The following PARN variants were observed in gnomAD, a reference collection of about 807,000 sequenced individuals.
PARN encodes the protein poly(A)-specific ribonuclease PARN.
PARN carries 71 observed loss-of-function variants against 102.8 expected under a neutral mutation model. The ratio of observed to expected loss-of-function variants is 0.69; its 90% CI spans 0.57 to 0.84. PARN has a LOEUF of 0.84. Ranked by LOEUF, PARN falls within the 40% of genes least tolerant of loss-of-function variation. The probability of loss-of-function intolerance (pLI) is 0.00; values close to 1 mark genes in which losing one functional copy is unlikely to be tolerated. For synonymous variants in PARN, 261 were observed against 252.9 expected, an observed-to-expected ratio of 1.03 and a Z score of -0.30; for missense variants, 782 against 760.9, an observed-to-expected ratio of 1.03 and a Z score of -0.33.
chr16:14,565,903 T>A (rs888293843), intron 18 of PARN, among the ~76,000 whole-genome samples: 1 of 152,216 alleles, frequency 6.6e-6, no homozygotes, highest in Non-Finnish European at 1.5e-5. Flanking sequence ...ATACTGTGCA[T>A]AGTGGAAGGT....
chr16:14,611,725 G>A (rs1034881198), intron 6 of PARN, among the ~76,000 whole-genome samples: 1 of 152,172 alleles, frequency 6.6e-6, no homozygotes, highest in African/African-American at 2.4e-5. Flanking sequence ...ATTTTCGGTA[G>A]AGACAGGGTT....
intron 23 of PARN, among the ~76,000 whole-genome samples, chr16:14,439,548 A>G (rs760297465): frequency 9.2e-5 from 14 of 152,220 alleles, no homozygotes; most frequent in Non-Finnish European, 1.9e-4. Flanking sequence ...TTTTAATTGT[A>G]AAACCTAAAA....
At position 14,586,232 on chromosome 16, in the gene PARN, C is replaced by G. The variant is rs1425014307; in HGVS notation, c.962+86G>C. The G allele has an allele frequency of 3.9e-6, 3 of 764,012 alleles. No homozygotes were observed. In the African/African-American group the frequency reaches 5.2e-5, roughly 13 times the overall value. 47.3% of individuals were successfully genotyped at this position (764,012 alleles called of 1,614,324 possible). A position where few individuals can be genotyped will look rare whatever the true frequency, so the allele number is the denominator to read the frequency against. ...GCTCAAGTGATCCTCCCACCTCAGT[C>G]TCCCAAAGTGGTGGGATTATAGGTG... On this transcript the variant is annotated intron_variant, in intron 14 of 23. Transcript: ENST00000437198.
chr16:14,600,062 G>C, intron 11 of PARN, 102 bp from the exon 12 acceptor site: 1 of 620,760 alleles, frequency 1.6e-6, no homozygotes, highest in East Asian at 3.0e-5. Context: ...TTTGTATCAA[G>C]TTAGATAGCT....
intron 23 of PARN, among the ~76,000 whole-genome samples, chr16:14,443,753 G>A (rs1438765763): frequency 6.6e-6 from 1 of 152,200 alleles, no homozygotes; most frequent in Non-Finnish European, 1.5e-5. Context: ...CCTCCTTGGA[G>A]AACAGAAAAT....
chr16:14,617,552 G>A, intron 6 of PARN, 38 bp downstream of exon 6: 1 of 991,104 alleles, frequency 1.0e-6, no homozygotes, highest in Non-Finnish European at 1.6e-6. Flanking sequence ...TATTTTGAAG[G>A]TTTATAAGCT....
At chr16:14,471,005 T>C (rs1962707348) in intron 22 of PARN, among the ~76,000 whole-genome samples, 1 of 152,074 alleles carries the variant, frequency 6.6e-6, no homozygotes, top group Non-Finnish European at 1.5e-5. Flanking sequence ...GGCTGGTCTT[T>C]AAGCTGTCCT....
At position 14,604,181 on chromosome 16, in the gene PARN, T is replaced by C. The variant is rs772655570; in HGVS notation, c.748A>G (p.Lys250Glu). 6.2e-7 allele frequency: 1 copy of C among 1,602,466 alleles called. No individual in the cohort carries two copies. Among genetic ancestry groups the C allele is most frequent in the Non-Finnish European group, 8.5e-7 (1 of 1,172,986 alleles). The change falls in exon 11 of 24, where the codon AAA (lysine) becomes GAA (glutamate). Residue 250 changes from lysine (K) to glutamate (E), a missense_variant. Transcript: ENST00000437198. ...VISKVDEEERKRREQQKHAKE... is the reference protein window; with the variant it reads ...VISKVDEEERERREQQKHAKE... ...GCATGTTTCTGCTGCTCTCTTCTTT[T>C]GCGTTCTTCTTCATCTACTTTGCTG... is the stretch of plus-strand genomic sequence containing the variant.
intron 21 of PARN, among the ~76,000 whole-genome samples, chr16:14,540,234 C>T (rs1404462662): frequency 6.6e-6 from 1 of 152,130 alleles, no homozygotes; most frequent in Non-Finnish European, 1.5e-5. Context: ...TATCTATTGC[C>T]ACATTTAGAA....
chr16:14,577,126 C>T (rs1044390530), intron 18 of PARN, among the ~76,000 whole-genome samples: 3 of 151,916 alleles, frequency 2.0e-5, no homozygotes, highest in African/African-American at 7.3e-5. Context: ...TAATGTCCAC[C>T]CAAATTTATG....
intron 21 of PARN, among the ~76,000 whole-genome samples, chr16:14,543,185 T>C (rs188327193): frequency 7.9e-5 from 12 of 152,166 alleles, no homozygotes; most frequent in African/African-American, 2.2e-4. Flanking sequence ...TTTAAAACAC[T>C]GAAAGAAAAA....
At chr16:14,625,288 G>C (rs534997433) in intron 5 of PARN, among the ~76,000 whole-genome samples, 21 of 151,948 alleles carry the variant, frequency 1.4e-4, no homozygotes, top group Non-Finnish European at 2.9e-5. Flanking sequence ...ACCTGGGGTC[G>C]AGAGTTCGAG....
intron 21 of PARN, among the ~76,000 whole-genome samples, chr16:14,484,366 T>G (rs1169564582): frequency 6.6e-6 from 1 of 152,196 alleles, no homozygotes; most frequent in East Asian, 1.9e-4. Context: ...TTTAGGCATA[T>G]GCGTTCCTAG....
Position 14,616,563 on chromosome 16 carries a change from G to T in PARN, c.388+1027C>A, listed in dbSNP as rs532702594. On this transcript the variant is annotated intron_variant, in intron 6 of 23. Transcript: ENST00000437198. ...GAGTTTGGGACCAGCCTGGGCAATG[G>T]CGAAATCCCATTTCTACAAAAAATT... 2.6e-5 allele frequency among the ~76,000 whole-genome samples: 4 copies of T among 152,326 alleles called. No individual in the cohort carries two copies. The East Asian group carries it at 7.7e-4, about 29-fold the overall frequency.
chr16:14,581,074 CAG>C (rs1195959904), intron 17 of PARN, 131 bp from the exon 18 acceptor site: 6 of 546,416 alleles, frequency 1.1e-5, no homozygotes, highest in South Asian at 5.8e-5. Context: ...TTTTTTGAGT[CAG>C]AGTTTCACTC....
chr16:14,447,938 TTATCTATCTATCTATCTATC>T lies in PARN; in HGVS notation c.1671-877_1671-858del, dbSNP rs10539138. Among the ~76,000 whole-genome samples the T allele has an allele frequency of 3.1e-3, 453 of 148,060 alleles. 1 individual carries two copies. Among genetic ancestry groups the T allele is most frequent in the African/African-American group, 7.6e-3 (304 of 40,140 alleles). On this transcript the variant is annotated intron_variant, in intron 22 of 23. Coordinates refer to ENST00000437198, the MANE Select transcript of PARN (RefSeq NM_002582.4). ...CCTAGGAGGTGGGTACTTTTAAATTTTATCTATCTATCTATCTATCTATCTATCTATCTATCTATCTATCT... is the reference window on the plus strand; with the variant it reads ...CCTAGGAGGTGGGTACTTTTAAATTTTATCTATCTATCTATCTATCTATCT...
Position 14,598,375 on chromosome 16 carries a change from G to A in PARN, c.840+1529C>T, listed in dbSNP as rs191527975. Among the ~76,000 whole-genome samples the A allele has an allele frequency of 4.6e-5, 7 of 152,218 alleles. No individual in the cohort carries two copies. In the East Asian group the frequency reaches 1.2e-3, roughly 25 times the overall value. On this transcript the variant is annotated intron_variant, in intron 12 of 23. Coordinates refer to ENST00000437198, the MANE Select transcript of PARN (RefSeq NM_002582.4). ...ACAGGTACAGCAAGCTAAGGTATCC[G>A]AATGTGTATAAGACAAACAAATGTC...
chr16:14,623,623 G>T (rs541258365), intron 5 of PARN, among the ~76,000 whole-genome samples: 3 of 152,084 alleles, frequency 2.0e-5, no homozygotes, highest in South Asian at 4.1e-4. Context: ...GATCACCTGA[G>T]GTCAGGAGTT....
At chr16:14,484,919 C>A (rs888830314) in intron 21 of PARN, among the ~76,000 whole-genome samples, 77 of 151,580 alleles carry the variant, frequency 5.1e-4, no homozygotes, top group African/African-American at 1.9e-3. Flanking sequence ...AAAAAAAAAA[C>A]CCTCAAAGTA....
Sources: gnomAD v4.1 joint callset for allele counts (sites outside exome capture counted in the v4.1 genomes callset) on GRCh38, gnomAD v4.1.1 for gene constraint, MANE v1.5 for transcripts, NCBI Gene and HGNC (gene_info 2026-07-23, HGNC 2026-07-21) for gene names.